Variants in EML4 observed in about 807,000 individuals in gnomAD.
The protein encoded by EML4 is echinoderm microtubule-associated protein-like 4.
EML4 carries 72 observed loss-of-function variants against 129.0 expected under a neutral mutation model. The ratio of observed to expected loss-of-function variants is 0.56; its 90% confidence interval spans 0.46 to 0.68. EML4 has a LOEUF of 0.68. Ranked by LOEUF, EML4 falls within the 30% of genes least tolerant of loss-of-function variation. The pLI, the probability that EML4 is intolerant of heterozygous loss-of-function variation, is 0.00. For synonymous variants in EML4, 532 were observed against 405.0 expected, an observed-to-expected ratio of 1.31 and a Z score of -3.77; for missense variants, 1,363 against 1,190.6, an observed-to-expected ratio of 1.14 and a Z score of -2.13.
intron 1 of EML4, among the ~76,000 whole-genome samples, chr2:42,192,348 TC>T (rs778751217): frequency 2.0e-5 from 3 of 151,290 alleles, no homozygotes; most frequent in Non-Finnish European, 4.4e-5. Flanking sequence ...CAAGAGATTC[TC>T]CCGCCTCAGC....
intron 6 of EML4, chr2:42,265,049 T>C: frequency 8.4e-7 from 1 of 1,189,412 alleles, no homozygotes; most frequent in Non-Finnish European, 1.2e-6. Flanking sequence ...CTTTCTTCCT[T>C]AAAAAGGAAA....
At chr2:42,325,868 T>C (rs947505587) in intron 20 of EML4, among the ~76,000 whole-genome samples, 3 of 151,688 alleles carry the variant, frequency 2.0e-5, no homozygotes, top group Admixed American at 6.6e-5. Flanking sequence ...TTGATGCTGC[T>C]CTGAATGGTT....
chr2:42,176,937 G>T (rs6745683), intron 1 of EML4, among the ~76,000 whole-genome samples: 1 of 152,174 alleles, frequency 6.6e-6, no homozygotes, highest in African/African-American at 2.4e-5. Context: ...GGTGTTACAG[G>T]TGTATGCCAC....
chr2:42,204,297 G>C (rs1323164958), intron 1 of EML4, among the ~76,000 whole-genome samples: 2 of 152,188 alleles, frequency 1.3e-5, no homozygotes, highest in African/African-American at 4.8e-5. Context: ...TAAGCAGTTA[G>C]TGGCAAAGAC....
chr2:42,296,819 T>C (rs999290079), intron 13 of EML4, among the ~76,000 whole-genome samples: 13 of 152,364 alleles, frequency 8.5e-5, no homozygotes, highest in African/African-American at 3.1e-4. Context: ...TTTCATACTG[T>C]ATTTTTTAGG....
chr2:42,222,148 A>G (rs1673645812), intron 1 of EML4, among the ~76,000 whole-genome samples: 1 of 152,172 alleles, frequency 6.6e-6, no homozygotes, highest in East Asian at 1.9e-4. Flanking sequence ...TCTCAGCCCT[A>G]TTAATAAAAA....
At chr2:42,213,766 T>G (rs1025427212) in intron 1 of EML4, among the ~76,000 whole-genome samples, 7 of 152,220 alleles carry the variant, frequency 4.6e-5, no homozygotes, top group Admixed American at 3.9e-4. Flanking sequence ...AATTTTTAGG[T>G]CTAGGAAAGA....
chr2:42,212,271 C>T (rs1360480905), intron 1 of EML4, among the ~76,000 whole-genome samples: 1 of 152,084 alleles, frequency 6.6e-6, no homozygotes, highest in Non-Finnish European at 1.5e-5. Context: ...TTTTTAATTT[C>T]CTAATGAAAA....
chr2:42,247,662 GATTT>G (rs368933918), intron 2 of EML4, among the ~76,000 whole-genome samples: 151 of 151,936 alleles, frequency 9.9e-4, no homozygotes, highest in African/African-American at 2.8e-3. Flanking sequence ...TTGCTTGCTT[GATTT>G]ATTTATTTAT....
At chr2:42,244,960 A>G (rs975346448) in intron 1 of EML4, among the ~76,000 whole-genome samples, 4 of 152,122 alleles carry the variant, frequency 2.6e-5, no homozygotes, top group South Asian at 2.1e-4. Context: ...CGTGGGGACA[A>G]TTGTCACCAT....
At chr2:42,245,090 C>CTTT (rs960416568) in intron 1 of EML4, among the ~76,000 whole-genome samples, 1 of 14,496 alleles carries the variant, frequency 6.9e-5, no homozygotes, top group East Asian at 2.2e-3. Flanking sequence ...TTGAAATTTT[C>CTTT]TTTCTTTTTT....
chr2:42,174,240 A>G (rs1417720805), intron 1 of EML4, among the ~76,000 whole-genome samples: 1 of 152,094 alleles, frequency 6.6e-6, no homozygotes, highest in Non-Finnish European at 1.5e-5. Context: ...GAAAGAATCT[A>G]CTTCATCTAG....
intron 6 of EML4, among the ~76,000 whole-genome samples, chr2:42,267,710 C>CT (rs1666140022): frequency 6.6e-6 from 1 of 152,264 alleles, no homozygotes. Context: ...AGGGCAATCT[C>CT]TGAGGTTAGG....
intron 6 of EML4, among the ~76,000 whole-genome samples, chr2:42,279,100 T>C (rs1221448128): frequency 1.3e-5 from 2 of 152,130 alleles, no homozygotes; most frequent in African/African-American, 4.8e-5. Flanking sequence ...AATCTCAGGG[T>C]ATTATATTTG....
intron 1 of EML4, among the ~76,000 whole-genome samples, chr2:42,203,640 C>CTTTTTT (rs3038374): frequency 7.1e-6 from 1 of 141,384 alleles, no homozygotes; most frequent in Non-Finnish European, 1.5e-5. Flanking sequence ...ATAGCCACCC[C>CTTTTTT]TTTTTTTTTT....
intron 3 of EML4, 114 bp from the exon 4 acceptor site, chr2:42,261,007 T>TCCC (rs1384614610): frequency 1.4e-6 from 1 of 735,400 alleles, no homozygotes; most frequent in African/African-American, 1.7e-5. Flanking sequence ...CAGTGCAAAT[T>TCCC]GTATTAGCTG....
intron 1 of EML4, among the ~76,000 whole-genome samples, chr2:42,198,525 T>C (rs78196465): frequency 0.012 from 1,830 of 152,212 alleles, 34 homozygotes; most frequent in African/African-American, 0.041. Context: ...ATGGGCAACA[T>C]AGTGAGACTT....
At chr2:42,232,886 G>T (rs1309149728) in intron 1 of EML4, among the ~76,000 whole-genome samples, 1 of 151,822 alleles carries the variant, frequency 6.6e-6, no homozygotes, top group Admixed American at 6.6e-5. Flanking sequence ...CACAACGCGC[G>T]GCTAATTTTT....
chr2:42,287,370 C>T (rs910942809), intron 10 of EML4, among the ~76,000 whole-genome samples: 5 of 152,182 alleles, frequency 3.3e-5, no homozygotes, highest in African/African-American at 1.2e-4. Context: ...ATAGCAGGAA[C>T]TGTTGTCAGG....
Sources: allele counts gnomAD v4.1 joint callset (sites outside exome capture counted in the v4.1 genomes callset), GRCh38; gene constraint gnomAD v4.1.1; transcripts MANE v1.5; gene names NCBI Gene and HGNC (gene_info 2026-07-23, HGNC 2026-07-21).